Variants in NTRK3 observed in about 807,000 individuals in gnomAD.
The protein encoded by NTRK3 is neurotrophic receptor tyrosine kinase 3, also known as NT-3 growth factor receptor.
Under a neutral mutation model 91.7 loss-of-function variants are expected in NTRK3, and 24 were observed. The ratio of observed to expected loss-of-function variants is 0.26; its 90% confidence interval spans 0.19 to 0.37. The LOEUF is 0.37. Among genes scored for constraint, NTRK3 ranks in the 10% least tolerant of loss-of-function variants. NTRK3 has a pLI of 1.00. For missense variants in NTRK3, 880 were observed against 1,068.9 expected, an observed-to-expected ratio of 0.82 and a Z score of 2.46; for synonymous variants, 483 against 404.0, an observed-to-expected ratio of 1.20 and a Z score of -2.34.
chr15:88,183,072 G>GTCTCAGAAGTATAGTAT (rs1567601427), intron 5 of NTRK3, among the ~76,000 whole-genome samples: 2 of 130,716 alleles, frequency 1.5e-5, no homozygotes, highest in Non-Finnish European at 3.0e-5. Context: ...CCTACTTATG[G>GTCTCAGAAGTATAGTAT]TCTCAGAAGT....
intron 3 of NTRK3, among the ~76,000 whole-genome samples, chr15:88,212,979 T>C (rs2049393512): frequency 6.6e-6 from 1 of 152,236 alleles, no homozygotes; most frequent in Non-Finnish European, 1.5e-5. Context: ...ATTGCAGGGC[T>C]GTGGGGTCCC....
chr15:87,998,735 G>A (rs1427788155), intron 14 of NTRK3, among the ~76,000 whole-genome samples: 1 of 152,132 alleles, frequency 6.6e-6, no homozygotes, highest in Non-Finnish European at 1.5e-5. Context: ...GAGCAACACA[G>A]ACTCCATTGA....
At chr15:88,139,942 T>TGGGGGGGGGGGGGG (rs1271042257) in intron 6 of NTRK3, among the ~76,000 whole-genome samples, 1 of 61,676 alleles carries the variant, frequency 1.6e-5, no homozygotes, top group African/African-American at 6.4e-5. Flanking sequence ...GTGTGGGGGG[T>TGGGGGGGGGGGGGG]GGGGGTAAGT....
At chr15:88,159,756 C>A (rs1411638339) in intron 5 of NTRK3, among the ~76,000 whole-genome samples, 1 of 152,108 alleles carries the variant, frequency 6.6e-6, no homozygotes, top group Non-Finnish European at 1.5e-5. Flanking sequence ...GGGGAATTCA[C>A]AATCCCCTCC....
intron 13 of NTRK3, among the ~76,000 whole-genome samples, chr15:88,033,663 G>T (rs1472184670): frequency 1.3e-5 from 2 of 151,916 alleles, no homozygotes; most frequent in Non-Finnish European, 2.9e-5. Context: ...CGAATGCTCT[G>T]TATTCTGAAT....
intron 3 of NTRK3, among the ~76,000 whole-genome samples, chr15:88,226,492 C>G (rs1275492352): frequency 6.6e-6 from 1 of 152,220 alleles, no homozygotes; most frequent in African/African-American, 2.4e-5. Context: ...AGTTCCAACA[C>G]TCACTTCCTA....
chr15:88,218,338 CT>C (rs1269823298), intron 3 of NTRK3, among the ~76,000 whole-genome samples: 2 of 152,176 alleles, frequency 1.3e-5, no homozygotes, highest in African/African-American at 4.8e-5. Context: ...AAGACCCAGG[CT>C]ATGGGGCCAG....
chr15:88,167,945 C>T (rs1441050027), intron 5 of NTRK3, among the ~76,000 whole-genome samples: 2 of 152,138 alleles, frequency 1.3e-5, no homozygotes, highest in East Asian at 1.9e-4. Flanking sequence ...ACTTCAAATG[C>T]ATTATGTCAT....
chr15:87,881,406 CTTATTTAT>C (rs61208268), intron 17 of NTRK3, among the ~76,000 whole-genome samples: 96 of 149,260 alleles, frequency 6.4e-4, no homozygotes, highest in African/African-American at 1.8e-3. Flanking sequence ...TTCCTTCTTT[CTTATTTAT>C]TTATTTATTT....
At chr15:88,211,947 A>C (rs756423494) in intron 3 of NTRK3, among the ~76,000 whole-genome samples, 8 of 152,236 alleles carry the variant, frequency 5.3e-5, no homozygotes, top group Non-Finnish European at 1.2e-4. Flanking sequence ...TTTAAACTGT[A>C]ATTCAATAAA....
intron 14 of NTRK3, chr15:87,981,095 T>A (rs2074221013): frequency 3.6e-6 from 5 of 1,401,510 alleles, no homozygotes; most frequent in Non-Finnish European, 4.9e-6. Flanking sequence ...CCAAATCCCG[T>A]GCTGGGCACC....
chr15:87,993,170 G>C (rs1202911992), intron 14 of NTRK3, among the ~76,000 whole-genome samples: 1 of 152,202 alleles, frequency 6.6e-6, no homozygotes, highest in East Asian at 1.9e-4. Flanking sequence ...TGCTACCCCA[G>C]GGTGCTCAAC....
intron 17 of NTRK3, among the ~76,000 whole-genome samples, chr15:87,903,024 G>A (rs1249810843): frequency 6.6e-6 from 1 of 152,150 alleles, no homozygotes; most frequent in Non-Finnish European, 1.5e-5. Flanking sequence ...TGAACTAAAA[G>A]CTTTCCTTGG....
intron 13 of NTRK3, among the ~76,000 whole-genome samples, chr15:88,089,831 C>G (rs978752219): frequency 6.6e-6 from 1 of 152,174 alleles, no homozygotes; most frequent in Non-Finnish European, 1.5e-5. Context: ...TCATGCCCTC[C>G]CCTGCGTTAC....
intron 5 of NTRK3, among the ~76,000 whole-genome samples, chr15:88,162,019 G>A (rs966246574): frequency 1.3e-4 from 20 of 152,208 alleles, no homozygotes; most frequent in African/African-American, 4.8e-4. Context: ...GGGGAAGACA[G>A]AGCTCCAGCT....
intron 3 of NTRK3, among the ~76,000 whole-genome samples, chr15:88,218,963 T>C (rs995660683): frequency 2.6e-5 from 4 of 152,220 alleles, no homozygotes; most frequent in African/African-American, 9.6e-5. Flanking sequence ...GGAGGGGGCA[T>C]GGCATCACCC....
chr15:88,045,841 T>C (rs1196078548), intron 13 of NTRK3, among the ~76,000 whole-genome samples: 1 of 152,256 alleles, frequency 6.6e-6, no homozygotes, highest in Non-Finnish European at 1.5e-5. Flanking sequence ...TGTGTGTCCA[T>C]TTCTGTGTCT....
chr15:87,970,675 G>A (rs549609647), intron 14 of NTRK3, among the ~76,000 whole-genome samples: 1 of 152,246 alleles, frequency 6.6e-6, no homozygotes, highest in East Asian at 1.9e-4. Context: ...CTAAGAGCTG[G>A]CCATATTGTG....
chr15:88,182,539 G>C lies in NTRK3; in HGVS notation c.395+879C>G, dbSNP rs114147719. ...CCACTTCTCCACTTTCTCCCCAAAG[G>C]CAATAGACCCCTCCCCACCTGGTTC... On this transcript the variant is annotated intron_variant, in intron 5 of 18. Coordinates refer to ENST00000394480, the Ensembl canonical transcript of NTRK3. Among the ~76,000 whole-genome samples, 973 of 152,188 alleles carry C rather than the reference G, an allele frequency of 6.4e-3. 13 individuals carry two copies. Among genetic ancestry groups the C allele is most frequent in the African/African-American group, 0.02 (841 of 41,518 alleles).
Sources: allele counts gnomAD v4.1 joint callset (sites outside exome capture counted in the v4.1 genomes callset), GRCh38; gene constraint gnomAD v4.1.1; transcripts MANE v1.5; gene names NCBI Gene and HGNC (gene_info 2026-07-23, HGNC 2026-07-21).